The following ORC3 variants were observed in gnomAD, a reference collection of about 807,000 sequenced individuals.
The protein encoded by ORC3 is origin recognition complex subunit 3.
Under a neutral mutation model 100.7 loss-of-function variants are expected in ORC3, and 78 were observed. That is an observed-to-expected ratio of 0.77 (90% CI 0.65 to 0.94). The LOEUF (loss-of-function observed/expected upper bound fraction) is 0.94. Ranked by LOEUF, ORC3 falls within the 40% of genes least tolerant of loss-of-function variation. ORC3 has a pLI of 0.00. For missense variants in ORC3, 789 were observed against 823.9 expected, an observed-to-expected ratio of 0.96 and a Z score of 0.52; for synonymous variants, 295 against 289.3, an observed-to-expected ratio of 1.02 and a Z score of -0.20.
intron 2 of ORC3, among the ~76,000 whole-genome samples, chr6:87,598,908 T>G (rs1777671428): frequency 6.6e-6 from 1 of 152,188 alleles, no homozygotes; most frequent in African/African-American, 2.4e-5. Context: ...TTAAGACTGG[T>G]AACTCTCCCT....
chr6:87,609,251 T>C lies in ORC3; in HGVS notation c.713+22T>C, dbSNP rs749714126. 2.0e-6 allele frequency: 3 copies of C among 1,513,856 alleles called. No individual in the cohort carries two copies. In the South Asian group the frequency reaches 3.9e-5, roughly 20 times the overall value. The allele number at this position is 1,513,856 out of a possible 1,614,324, so 93.8% of individuals were successfully genotyped here. A position where few individuals can be genotyped will look rare whatever the true frequency, so the allele number is the denominator to read the frequency against. On this transcript the variant is annotated intron_variant, in intron 7 of 19. Transcript: ENST00000392844. ...GCAGGTAGATGGTGTATTACCTGGCTTTTATGAAAAACTCCCTTTTTAAGA... is the reference window on the plus strand; with the variant it reads ...GCAGGTAGATGGTGTATTACCTGGCCTTTATGAAAAACTCCCTTTTTAAGA...
chr6:87,606,541 T>G (rs966405380), intron 5 of ORC3, among the ~76,000 whole-genome samples: 1 of 152,254 alleles, frequency 6.6e-6, no homozygotes, highest in South Asian at 2.1e-4. Flanking sequence ...TTTTTTTTTT[T>G]TTCTTTTGAG....
At chr6:87,653,075 T>G in intron 13 of ORC3, 41 bp from the exon 14 acceptor site, 4 of 1,492,514 alleles carry the variant, frequency 2.7e-6, no homozygotes, top group Non-Finnish European at 3.6e-6. Context: ...AGTGTTAATT[T>G]TCTAGTTATA....
intron 4 of ORC3, among the ~76,000 whole-genome samples, chr6:87,604,334 A>G (rs752661951): frequency 2.6e-5 from 4 of 152,226 alleles, no homozygotes; most frequent in Non-Finnish European, 4.4e-5. Flanking sequence ...ATTTTGGTTA[A>G]TGGGTCTAGG....
chr6:87,598,921 C>T (rs1777672754), intron 2 of ORC3, among the ~76,000 whole-genome samples: 2 of 152,180 alleles, frequency 1.3e-5, no homozygotes, highest in Non-Finnish European at 2.9e-5. Context: ...CTCTCCCTCT[C>T]CTCAGTATTC....
chr6:87,613,368 G>A (rs996493674), intron 8 of ORC3, among the ~76,000 whole-genome samples: 1 of 152,160 alleles, frequency 6.6e-6, no homozygotes, highest in Non-Finnish European at 1.5e-5. Flanking sequence ...CCGCCCACCA[G>A]GTCCCTCCCA....
chr6:87,665,521 G>A (rs1283207914), intron 18 of ORC3, among the ~76,000 whole-genome samples: 2 of 151,074 alleles, frequency 1.3e-5, no homozygotes, highest in Non-Finnish European at 2.9e-5. Flanking sequence ...GACTAGCTTC[G>A]TTTCTTTTCT....
intron 13 of ORC3, among the ~76,000 whole-genome samples, chr6:87,648,439 GT>G (rs1768976578): frequency 6.6e-6 from 1 of 151,974 alleles, no homozygotes; most frequent in Non-Finnish European, 1.5e-5. Flanking sequence ...TTTTGTGTTT[GT>G]TTTGTTTTTG....
In ORC3 at chr6:87,632,116, A is replaced by T. The variant is rs758966901; in HGVS notation, c.1186-2729A>T. Among the ~76,000 whole-genome samples, 8 of 152,118 alleles carry T rather than the reference A, an allele frequency of 5.3e-5. No individual in the cohort carries two copies. The East Asian group carries it at 1.6e-3, about 30-fold the overall frequency. ...GAGGTGGAGGTTGCAGTGAGCTGAG[A>T]TCACGCCACTGCACTCCAGCCTGGG... On this transcript the variant is annotated intron_variant, in intron 11 of 19. Coordinates refer to ENST00000392844, the MANE Select transcript of ORC3 (RefSeq NM_012381.4).
chr6:87,672,477 A>C, the ORC3 span, among the ~76,000 whole-genome samples: 5 of 152,228 alleles, frequency 3.3e-5, no homozygotes, highest in African/African-American at 4.8e-5. Flanking sequence ...ATGCAGGAGC[A>C]AGAGAATTGT....
chr6:87,670,322 C>T (rs1287454038), downstream of ORC3, among the ~76,000 whole-genome samples: 1 of 152,064 alleles, frequency 6.6e-6, no homozygotes, highest in African/African-American at 2.4e-5. Flanking sequence ...TGTGCCACCA[C>T]GCCCAGCTAA....
chr6:87,626,390 G>A (rs1020071951), intron 11 of ORC3, among the ~76,000 whole-genome samples: 4 of 152,156 alleles, frequency 2.6e-5, no homozygotes, highest in Non-Finnish European at 5.9e-5. Context: ...TCTCCTTGAA[G>A]AGATCCTTCA....
At chr6:87,590,294 G>A (rs1368614048) in intron 1 of ORC3, 102 bp downstream of exon 1, 2 of 1,301,004 alleles carry the variant, frequency 1.5e-6, no homozygotes, top group East Asian at 4.6e-5. Context: ...CCTGGCTGGA[G>A]AGGAGGGAGG....
At chr6:87,608,302 T>C (rs1207113095) in intron 6 of ORC3, among the ~76,000 whole-genome samples, 6 of 152,192 alleles carry the variant, frequency 3.9e-5, no homozygotes, top group Non-Finnish European at 7.3e-5. Context: ...CAGTGTTCTT[T>C]AAGTAAAGTA....
intron 8 of ORC3, among the ~76,000 whole-genome samples, chr6:87,614,520 A>G (rs1264800577): frequency 6.6e-6 from 1 of 152,170 alleles, no homozygotes; most frequent in Non-Finnish European, 1.5e-5. Flanking sequence ...TTTCTTTTCT[A>G]TCTCATTGTC....
At position 87,609,109 on chromosome 6, in the gene ORC3, A is replaced by G; in HGVS notation, c.593A>G (p.Lys198Arg). Residue 198 changes from lysine (K) to arginine (R), a missense_variant, in exon 7 of 20, where the codon AAA (lysine) becomes AGA (arginine). Transcript: ENST00000392844. ...ATGGCTTAAAAGAAGACGGACCCAA[A>G]AATGCTAAGCAAAAAAAGGACTACT... ...YMTVTQKTDP[K>R]MLSKKRTTSS... 1 of 1,602,634 alleles carries G rather than the reference A, an allele frequency of 6.2e-7. No homozygotes were observed. Among genetic ancestry groups the G allele is most frequent in the Non-Finnish European group, 8.5e-7 (1 of 1,177,286 alleles).
chr6:87,606,468 G>C (rs7749032), intron 5 of ORC3, among the ~76,000 whole-genome samples: 9,779 of 151,856 alleles, frequency 0.064, 409 homozygotes, highest in African/African-American at 0.12. Context: ...ACTGACAGAG[G>C]TAATCCTGAG....
rs11414874 is a variant in ORC3, at chr6:87,631,043, A to ATT, written c.1186-3785_1186-3784dup. Among the ~76,000 whole-genome samples the ATT allele has an allele frequency of 1.3e-3, 177 of 136,564 alleles. 2 individuals are homozygous for ATT. Among genetic ancestry groups the ATT allele is most frequent in the African/African-American group, 2.3e-3 (83 of 36,254 alleles). The allele number at this position is 136,564 out of a possible 152,430, so 89.6% of individuals were successfully genotyped here. On this transcript the variant is annotated intron_variant, in intron 11 of 19. Transcript: ENST00000392844. ...ATGCCACCATGCCCAGCTAATTTAA[A>ATT]TTTTTTTTTTTTTTTTTTGTAGAGA...
Position 87,601,819 on chromosome 6 carries a change from G to C in ORC3, c.115G>C (p.Asp39His). 1 of 1,610,844 alleles carries C rather than the reference G, an allele frequency of 6.2e-7. No individual in the cohort carries two copies. The highest frequency in any genetic ancestry group is 1.3e-5 in the African/African-American group (1 of 74,974). The change falls in exon 3 of 20, where the codon GAC (aspartate) becomes CAC (histidine). Residue 39 changes from aspartate (D) to histidine (H), a missense_variant. Asp to His is a moderately conservative substitution (Grantham distance 81, BLOSUM62 -1). Transcript: ENST00000392844. ...YFNKGKNEPE[D>H]SKLRFETYQL... ...TAACAAAGGGAAAAATGAGCCTGAGGACAGTAAGCTTCGATTCGAAACTTA... is the reference window on the plus strand; with the variant it reads ...TAACAAAGGGAAAAATGAGCCTGAGCACAGTAAGCTTCGATTCGAAACTTA...
Sources: allele counts gnomAD v4.1 joint callset (sites outside exome capture counted in the v4.1 genomes callset), GRCh38; gene constraint gnomAD v4.1.1; transcripts MANE v1.5; gene names NCBI Gene and HGNC (gene_info 2026-07-23, HGNC 2026-07-21).